The following GHR variants were observed in gnomAD, a reference collection of about 807,000 sequenced individuals.
GHR encodes GH receptor.
A neutral mutation model predicts 67.1 loss-of-function variants in GHR; 35 were observed. The observed-to-expected ratio is 0.52, with a 90% CI of 0.40 to 0.69. GHR has a LOEUF of 0.69. Among genes scored for constraint, GHR ranks in the 30% least tolerant of loss-of-function variants. GHR has a pLI of 0.00. For missense variants in GHR, 792 were observed against 764.6 expected (o/e 1.04, Z -0.42); for synonymous variants, 272 against 269.1 (o/e 1.01, Z -0.10).
At chr5:42,715,651 G>A (rs1310297256) in intron 8 of GHR, among the ~76,000 whole-genome samples, 3 of 152,070 alleles carry the variant, frequency 2.0e-5, no homozygotes, top group East Asian at 1.9e-4. Flanking sequence ...AACCAGTAGC[G>A]AAATTCAGCC....
chr5:42,617,799 T>G (rs1753240640), intron 2 of GHR, among the ~76,000 whole-genome samples: 1 of 152,142 alleles, frequency 6.6e-6, no homozygotes, highest in Non-Finnish European at 1.5e-5. Flanking sequence ...GACTTTTGAC[T>G]TTTTTCTTTA....
Position 42,694,948 on chromosome 5 carries a change from G to C in GHR, c.298G>C (p.Glu100Gln). ...NTQEWTQEWK[E>Q]CPDYVSAGEN... ...TCAAGAATGGACTCAAGAATGGAAAGAATGCCCTGATTATGTTTCTGCTGG... is the reference window on the plus strand; with the variant it reads ...TCAAGAATGGACTCAAGAATGGAAACAATGCCCTGATTATGTTTCTGCTGG... The change falls in exon 5 of 10, where the codon GAA becomes CAA. Residue 100 changes from glutamate (E) to glutamine (Q), a missense_variant. Transcript: ENST00000230882. The C allele has an allele frequency of 6.2e-7, 1 of 1,610,964 alleles. No individual in the cohort carries two copies. Among genetic ancestry groups the C allele is most frequent in the East Asian group, 2.2e-5 (1 of 44,850 alleles).
intron 1 of GHR, among the ~76,000 whole-genome samples, chr5:42,455,228 T>A (rs1223833877): frequency 6.6e-6 from 1 of 152,204 alleles, no homozygotes; most frequent in Non-Finnish European, 1.5e-5. Context: ...GGGAACTCAT[T>A]GCTTTTTGCC....
chr5:42,696,834 C>T (rs554528386), intron 5 of GHR, among the ~76,000 whole-genome samples: 2 of 152,164 alleles, frequency 1.3e-5, no homozygotes, highest in African/African-American at 4.8e-5. Context: ...ATAATGAAAC[C>T]GAGGCACAGA....
At chr5:42,537,418 A>G (rs554089057) in intron 1 of GHR, among the ~76,000 whole-genome samples, 6 of 152,264 alleles carry the variant, frequency 3.9e-5, no homozygotes, top group Non-Finnish European at 8.8e-5. Flanking sequence ...TTTTGACCCA[A>G]TACTCATTCA....
In GHR at chr5:42,448,293, G is replaced by A. The variant is rs539718728; in HGVS notation, c.-12+24338G>A. On this transcript the variant is annotated intron_variant, in intron 1 of 9. Transcript: ENST00000230882. ...TTTTTTAATAATGGCCATTCTTGCAGGTGTAAGGTGATATCACATTGTGGT... is the reference window on the plus strand; with the variant it reads ...TTTTTTAATAATGGCCATTCTTGCAAGTGTAAGGTGATATCACATTGTGGT... Among the ~76,000 whole-genome samples, 6 of 152,110 alleles carry A rather than the reference G, an allele frequency of 3.9e-5. No homozygotes were observed. In the East Asian group the frequency reaches 1.2e-3, roughly 29 times the overall value.
intron 2 of GHR, among the ~76,000 whole-genome samples, chr5:42,612,439 A>T (rs1333786127): frequency 6.6e-6 from 1 of 152,154 alleles, no homozygotes; most frequent in East Asian, 1.9e-4. Context: ...ATTTTCAAAC[A>T]GTTCTTCAGC....
chr5:42,506,665 T>G (rs551262571), intron 1 of GHR, among the ~76,000 whole-genome samples: 2 of 152,192 alleles, frequency 1.3e-5, no homozygotes, highest in Non-Finnish European at 2.9e-5. Flanking sequence ...AAATATATAG[T>G]AGCCTCAGTT....
intron 1 of GHR, among the ~76,000 whole-genome samples, chr5:42,480,596 G>T (rs1022649889): frequency 6.6e-6 from 1 of 152,184 alleles, no homozygotes; most frequent in Admixed American, 6.5e-5. Flanking sequence ...ATATATTTAG[G>T]ATAGTTAGCT....
chr5:42,587,491 A>G (rs1478010741), intron 2 of GHR, among the ~76,000 whole-genome samples: 6 of 152,174 alleles, frequency 3.9e-5, no homozygotes, highest in African/African-American at 9.7e-5. Flanking sequence ...CCAGAGGGTC[A>G]GGGAAAGCCA....
chr5:42,444,139 A>G (rs1332002332), intron 1 of GHR, among the ~76,000 whole-genome samples: 2 of 152,164 alleles, frequency 1.3e-5, no homozygotes, highest in Admixed American at 6.5e-5. Flanking sequence ...TACTCAGTCC[A>G]ATTCATGATT....
chr5:42,622,864 A>G (rs1331830586), intron 2 of GHR, among the ~76,000 whole-genome samples: 1 of 152,114 alleles, frequency 6.6e-6, no homozygotes, highest in Admixed American at 6.6e-5. Flanking sequence ...CTACTCCACC[A>G]ACTCATTTGC....
intron 2 of GHR, among the ~76,000 whole-genome samples, chr5:42,595,650 A>C (rs1752027223): frequency 6.6e-6 from 1 of 152,254 alleles, no homozygotes; most frequent in Non-Finnish European, 1.5e-5. Context: ...AAGATACTTG[A>C]TCCATTTGAG....
chr5:42,681,860 C>T (rs562626144), intron 3 of GHR, among the ~76,000 whole-genome samples: 148 of 135,664 alleles, frequency 1.1e-3, no homozygotes, highest in Admixed American at 4.1e-3. Flanking sequence ...GGCATGAACC[C>T]GGGAGGCGGA....
intron 2 of GHR, among the ~76,000 whole-genome samples, chr5:42,610,817 C>T (rs1241317754): frequency 1.3e-5 from 2 of 152,138 alleles, no homozygotes; most frequent in Non-Finnish European, 2.9e-5. Flanking sequence ...ACCAAAGTCA[C>T]TTGAAAGAGG....
chr5:42,490,775 T>C (rs974051), intron 1 of GHR, among the ~76,000 whole-genome samples: 26,526 of 152,196 alleles, frequency 0.17, 2,563 homozygotes, highest in Middle Eastern at 0.27. Flanking sequence ...CTGTGGACTA[T>C]AAAATACAGA....
chr5:42,455,083 A>G (rs1001114305), intron 1 of GHR, among the ~76,000 whole-genome samples: 10 of 152,062 alleles, frequency 6.6e-5, no homozygotes, highest in African/African-American at 2.4e-4. Flanking sequence ...TGCTGCTTCT[A>G]CTTTTGTGTT....
intron 3 of GHR, among the ~76,000 whole-genome samples, chr5:42,636,478 GTTC>G (rs1436679451): frequency 1.3e-5 from 2 of 152,154 alleles, no homozygotes; most frequent in East Asian, 1.9e-4. Flanking sequence ...TGACCTTTGA[GTTC>G]TTCTAGCTTG....
chr5:42,467,685 C>G (rs1295608909), intron 1 of GHR: 2 of 1,590,096 alleles, frequency 1.3e-6, no homozygotes, highest in East Asian at 4.5e-5. Flanking sequence ...GCTTTGCACT[C>G]TGAATGAAGG....
Sources: allele counts gnomAD v4.1 joint callset (sites outside exome capture counted in the v4.1 genomes callset), GRCh38; gene constraint gnomAD v4.1.1; transcripts MANE v1.5; gene names NCBI Gene and HGNC (gene_info 2026-07-23, HGNC 2026-07-21).